CHN1: variants seen among roughly 807,000 people sequenced by gnomAD.
CHN1 encodes chimerin 1.
CHN1 carries 37 observed loss-of-function variants against 59.5 expected under a neutral mutation model. The ratio of observed to expected loss-of-function variants is 0.62; its 90% CI spans 0.48 to 0.82. The LOEUF is 0.82. Ranked by LOEUF, CHN1 falls within the 40% of genes least tolerant of loss-of-function variation. The pLI, the probability that CHN1 is intolerant of heterozygous loss-of-function variation, is 0.00. For missense variants in CHN1, 469 were observed against 571.0 expected, an observed-to-expected ratio of 0.82 and a Z score of 1.82; for synonymous variants, 206 against 200.4, an observed-to-expected ratio of 1.03 and a Z score of -0.24.
intron 3 of CHN1, among the ~76,000 whole-genome samples, chr2:174,935,746 T>C (rs767864492): frequency 1.3e-5 from 2 of 151,890 alleles, no homozygotes; most frequent in Non-Finnish European, 2.9e-5. Flanking sequence ...GGGAACATAG[T>C]AAGACCTTAT....
chr2:174,970,992 A>G (rs1396394884), intron 1 of CHN1, among the ~76,000 whole-genome samples: 2 of 152,222 alleles, frequency 1.3e-5, no homozygotes, highest in African/African-American at 4.8e-5. Flanking sequence ...TAAAAATGTA[A>G]AAGAATGACT....
chr2:174,805,123 G>C (rs1429101994), intron 11 of CHN1, among the ~76,000 whole-genome samples: 4 of 152,170 alleles, frequency 2.6e-5, no homozygotes, highest in African/African-American at 9.7e-5. Flanking sequence ...AATACACATG[G>C]AATAAGGGTG....
chr2:174,899,767 G>A (rs1408483251), intron 5 of CHN1, among the ~76,000 whole-genome samples: 2 of 152,138 alleles, frequency 1.3e-5, no homozygotes, highest in Admixed American at 1.3e-4. Flanking sequence ...ACATCAATAA[G>A]ATGTTAAGAA....
intron 1 of CHN1, among the ~76,000 whole-genome samples, chr2:174,979,407 T>G (rs570080021): frequency 2.0e-5 from 3 of 152,236 alleles, no homozygotes; most frequent in Non-Finnish European, 4.4e-5. Flanking sequence ...TACTAATATA[T>G]GACTTAAGCC....
At chr2:174,833,145 T>C (rs1198833270) in intron 7 of CHN1, among the ~76,000 whole-genome samples, 3 of 152,152 alleles carry the variant, frequency 2.0e-5, no homozygotes, top group Admixed American at 1.3e-4. Flanking sequence ...TTAGGTCAAA[T>C]TGGTTGATAC....
At chr2:174,894,509 G>T (rs1177700340) in intron 5 of CHN1, among the ~76,000 whole-genome samples, 1 of 152,126 alleles carries the variant, frequency 6.6e-6, no homozygotes, top group East Asian at 1.9e-4. Context: ...GAATGCTTGT[G>T]TACAGTTGGT....
rs540251992 is a variant in CHN1 at position 174,921,411 on chromosome 2, T to G, written c.115-2846A>C. On this transcript the variant is annotated intron_variant, in intron 3 of 12. Transcript: ENST00000409900. ...TTCATCTCAATATTCCTTGACTCCA[T>G]GTAAGAGTTTTTGGAGTTTTCCTTT... Among the ~76,000 whole-genome samples, 10 of 152,326 alleles carry G rather than the reference T, an allele frequency of 6.6e-5. 1 individual carries two copies. The South Asian group carries it at 1.9e-3, about 28-fold the overall frequency.
At chr2:174,917,383 G>A (rs1349962650) in intron 4 of CHN1, among the ~76,000 whole-genome samples, 5 of 151,628 alleles carry the variant, frequency 3.3e-5, no homozygotes, top group South Asian at 2.1e-4. Context: ...ATAGTGAACC[G>A]AGATCGCACC....
In CHN1 at chr2:174,962,678, G is replaced by C. The variant is rs958131338; in HGVS notation, c.20-10476C>G. Among the ~76,000 whole-genome samples, 28 of 86,910 alleles carry C rather than the reference G, an allele frequency of 3.2e-4. 5 individuals are homozygous for C. The highest frequency in any genetic ancestry group is 1.1e-3 in the African/African-American group (27 of 24,826). 57.0% of individuals were successfully genotyped at this position (86,910 alleles called of 152,430 possible). On this transcript the variant is annotated intron_variant, in intron 1 of 12. Coordinates refer to ENST00000409900, the MANE Select transcript of CHN1 (RefSeq NM_001822.7). ...TTGGAAGGCCCGGGGGGGGGGGGGG[G>C]GGGGGCAGATCACCTGAGGTCAGGA...
At position 174,915,120 on chromosome 2, in the gene CHN1, A is replaced by T; in HGVS notation, c.198T>A (p.Ala66=). The part of the protein sequence containing the change: ...REAADQLLIV[A]EGSYLIRESQ... ...TCTCCCGGATGAGGTAGCTCCCCTC[A>T]GCCACAATCAAGAGCTGGTCGGCTG... The change falls in exon 5 of 13, where the codon GCT becomes GCA. Residue 66 remains alanine, a synonymous_variant. Coordinates refer to ENST00000409900, the MANE Select transcript of CHN1 (RefSeq NM_001822.7). 4 of 1,612,564 alleles carry T rather than the reference A, an allele frequency of 2.5e-6. No homozygotes were observed. The highest frequency in any genetic ancestry group is 3.4e-6 in the Non-Finnish European group (4 of 1,179,358).
chr2:174,914,224 T>TAA (rs1688774459), intron 5 of CHN1, among the ~76,000 whole-genome samples: 1 of 152,164 alleles, frequency 6.6e-6, no homozygotes, highest in Non-Finnish European at 1.5e-5. Flanking sequence ...GTAAGTCCAG[T>TAA]GGATAAGTAT....
intron 3 of CHN1, among the ~76,000 whole-genome samples, chr2:174,920,651 C>T (rs1332019398): frequency 1.3e-5 from 2 of 152,130 alleles, no homozygotes; most frequent in Non-Finnish European, 2.9e-5. Context: ...GATATAGTTA[C>T]TCACAGCATA....
At chr2:174,948,789 T>C (rs1689926062) in intron 2 of CHN1, among the ~76,000 whole-genome samples, 2 of 152,198 alleles carry the variant, frequency 1.3e-5, no homozygotes, top group Admixed American at 6.5e-5. Flanking sequence ...CTTACATGAA[T>C]TGACATACCT....
At chr2:174,971,332 A>AT (rs1271581652) in intron 1 of CHN1, among the ~76,000 whole-genome samples, 2 of 152,012 alleles carry the variant, frequency 1.3e-5, no homozygotes, top group Non-Finnish European at 2.9e-5. Context: ...AAAAAAAGTC[A>AT]TTTTTCATAA....
intron 3 of CHN1, among the ~76,000 whole-genome samples, chr2:174,944,239 A>T (rs959692927): frequency 2.0e-5 from 3 of 152,336 alleles, no homozygotes; most frequent in Non-Finnish European, 2.9e-5. Flanking sequence ...GGTAAGTCAA[A>T]GGCAGGTGAA....
chr2:174,894,134 ACT>A (rs893184544), intron 5 of CHN1, among the ~76,000 whole-genome samples: 2 of 151,708 alleles, frequency 1.3e-5, no homozygotes, highest in African/African-American at 4.8e-5. Flanking sequence ...AGCACAAAAA[ACT>A]TCTGCACAAT....
chr2:174,991,617 A>G (rs894702226), intron 1 of CHN1, among the ~76,000 whole-genome samples: 1 of 152,254 alleles, frequency 6.6e-6, no homozygotes, highest in African/African-American at 2.4e-5. Context: ...ACATGAAACA[A>G]TACTGCAGGA....
At chr2:174,962,805 G>A (rs962225183) in intron 1 of CHN1, among the ~76,000 whole-genome samples, 7 of 152,024 alleles carry the variant, frequency 4.6e-5, no homozygotes, top group African/African-American at 1.7e-4. Flanking sequence ...TGCTACTCAG[G>A]AGGCTGAGGC....
chr2:174,995,933 G>C (rs1288073244), intron 1 of CHN1, among the ~76,000 whole-genome samples: 3 of 152,040 alleles, frequency 2.0e-5, no homozygotes, highest in African/African-American at 7.3e-5. Context: ...TAGCAATGCT[G>C]GCATACTATT....
Sources: allele counts gnomAD v4.1 joint callset (sites outside exome capture counted in the v4.1 genomes callset), GRCh38; gene constraint gnomAD v4.1.1; transcripts MANE v1.5; gene names NCBI Gene and HGNC (gene_info 2026-07-23, HGNC 2026-07-21).